Variants in ECE1 observed in about 807,000 individuals in gnomAD.
The protein encoded by ECE1 is endothelin converting enzyme 1.
ECE1 carries 35 observed loss-of-function variants against 98.6 expected under a neutral mutation model. The ratio of observed to expected loss-of-function variants is 0.35; its 90% CI spans 0.27 to 0.47. ECE1 has a LOEUF of 0.47. Ranked by LOEUF, ECE1 falls within the 20% of genes least tolerant of loss-of-function variation. The pLI is 1.00. For synonymous variants in ECE1, 394 were observed against 407.1 expected (o/e 0.97, Z 0.39); for missense variants, 814 against 1,025.3 (o/e 0.79, Z 2.81).
Position 21,257,482 on chromosome 1 carries a change from G to A in ECE1, c.828+43C>T, listed in dbSNP as rs754130727. 5.0e-6 allele frequency: 8 copies of A among 1,605,104 alleles called. No homozygotes were observed. In the South Asian group the frequency reaches 8.8e-5, roughly 18 times the overall value. ...GTGGGTGTGGACACGGAGCAGGAAG[G>A]ACCGTGCTGGGAGGCAGGCTGGGAG... On this transcript the variant is annotated intron_variant, in intron 7 of 18. Transcript: ENST00000374893.
At chr1:21,223,319 C>T (rs1439784591) in intron 17 of ECE1, among the ~76,000 whole-genome samples, 2 of 151,732 alleles carry the variant, frequency 1.3e-5, no homozygotes, top group African/African-American at 2.4e-5. Context: ...AACAGAGTCT[C>T]GCTCTGTCAC....
At position 21,319,431 on chromosome 1, in the gene ECE1, T is replaced by C. The variant is rs962272417; in HGVS notation, c.3+25945A>G. Among the ~76,000 whole-genome samples the C allele has an allele frequency of 6.6e-6, 1 of 152,166 alleles. No homozygotes were observed. Among genetic ancestry groups the C allele is most frequent in the Admixed American group, 6.5e-5 (1 of 15,284 alleles). The stretch of plus-strand genomic sequence containing the variant: ...TTTCTAGAGACATGATAAGACCTCG[T>C]GTCTAAATGGCCTGGTACATACTAG... On this transcript the variant is annotated intron_variant, in intron 1 of 18. Coordinates refer to the ECE1 transcript ENST00000415912. This position sits in a 1 kb window ranked among gnomAD's most constrained non-coding sequence, Gnocchi z 4.4.
chr1:21,266,216 G>C (rs1450881412), intron 4 of ECE1: 1 of 152,434 alleles, frequency 6.6e-6, no homozygotes, highest in Non-Finnish European at 1.5e-5. Flanking sequence ...TGCTGGGATA[G>C]GGGTGTCTGG....
intron 1 of ECE1, among the ~76,000 whole-genome samples, chr1:21,315,618 A>G: frequency 6.6e-6 from 1 of 151,848 alleles, no homozygotes; most frequent in Non-Finnish European, 1.5e-5. Flanking sequence ...ACATGGTGAA[A>G]CTCCATCTCT....
At chr1:21,305,182 T>C (rs901182618) in intron 1 of ECE1, among the ~76,000 whole-genome samples, 2 of 152,200 alleles carry the variant, frequency 1.3e-5, no homozygotes, top group African/African-American at 4.8e-5. Flanking sequence ...CTCGACAGCA[T>C]AGACACAGGC....
At chr1:21,273,338 CGTGT>C (rs780250320) in intron 3 of ECE1, among the ~76,000 whole-genome samples, 2 of 122,230 alleles carry the variant, frequency 1.6e-5, no homozygotes, top group Non-Finnish European at 1.8e-5. Context: ...TGTGCCCGTG[CGTGT>C]GTGCGTGTGT....
intron 16 of ECE1, among the ~76,000 whole-genome samples, chr1:21,226,536 T>C (rs1238222973): frequency 2.0e-5 from 3 of 152,248 alleles, no homozygotes; most frequent in Admixed American, 6.5e-5. Context: ...GCCTGGAAGA[T>C]GATTGGCCCA....
chr1:21,327,990 C>A lies in ECE1; in HGVS notation c.3+17386G>T, dbSNP rs993722524. Among the ~76,000 whole-genome samples, 8 of 152,194 alleles carry A rather than the reference C, an allele frequency of 5.3e-5. No homozygotes were observed. The highest frequency in any genetic ancestry group is 1.9e-4 in the African/African-American group (8 of 41,452). On this transcript the variant is annotated intron_variant, in intron 1 of 18. Transcript: ENST00000415912. This position sits in a 1 kb window ranked among gnomAD's most constrained non-coding sequence, Gnocchi z 4.6. ...AACATGAACTGAGGTGGAACAGTTTCATGTACCTCAGATCATCGGGCTTAG... is the reference window on the plus strand; with the variant it reads ...AACATGAACTGAGGTGGAACAGTTTAATGTACCTCAGATCATCGGGCTTAG...
intron 1 of ECE1, among the ~76,000 whole-genome samples, chr1:21,309,899 C>T (rs934456027): frequency 4.0e-5 from 6 of 150,986 alleles, no homozygotes; most frequent in Non-Finnish European, 5.9e-5. Flanking sequence ...TCACGCCATT[C>T]TCCTGCCTCA....
chr1:21,217,857 C>G lies in ECE1; in HGVS notation c.*2098G>C, dbSNP rs1431650141. The G allele has an allele frequency of 6.6e-6, 1 of 152,440 alleles. No individual in the cohort carries two copies. The highest frequency in any genetic ancestry group is 2.4e-5 in the African/African-American group (1 of 41,466). 9.4% of individuals were successfully genotyped at this position (152,440 alleles called of 1,614,324 possible). ...TCGATACCCTGCACCAGCTTGGAGGCAGATCCCAAGGTGGCAGGGGTGTCC... is the reference window on the plus strand; with the variant it reads ...TCGATACCCTGCACCAGCTTGGAGGGAGATCCCAAGGTGGCAGGGGTGTCC... On this transcript the variant is annotated 3_prime_UTR_variant, in exon 19 of 19. Transcript: ENST00000374893.
chr1:21,297,530 C>CTTTCTTTTTTT (rs1553368032), intron 1 of ECE1, among the ~76,000 whole-genome samples: 2 of 116,194 alleles, frequency 1.7e-5, no homozygotes, highest in East Asian at 2.5e-4. Context: ...TTTTCTTTTT[C>CTTTCTTTTTTT]TTTTTTTTTT....
chr1:21,245,034 C>T lies in ECE1; in HGVS notation c.1233G>A (p.Gln411=). The change falls in exon 10 of 19, where the codon CAG becomes CAA. Residue 411 remains glutamine, a synonymous_variant. Transcript: ENST00000374893. ...CTTCCATGAACTTCTCATCGGCGTC[C>T]TGAAAGCGCTGGTCAAGGAAGGAGC... ...KTSSFLDQRF[Q]DADEKFMEVM... is the part of the protein sequence containing the mutation. 1 of 1,614,198 alleles carries T rather than the reference C, an allele frequency of 6.2e-7. No homozygotes were observed. Among genetic ancestry groups the T allele is most frequent in the South Asian group, 1.1e-5 (1 of 91,088 alleles).
chr1:21,267,916 C>T (rs769045913), intron 4 of ECE1, among the ~76,000 whole-genome samples: 26 of 152,164 alleles, frequency 1.7e-4, no homozygotes, highest in Non-Finnish European at 2.2e-4. Context: ...ACACGTTTAA[C>T]GCTATTGGAA....
Position 21,256,076 on chromosome 1 carries a change from C to T in ECE1, c.891G>A (p.Glu297=). The change falls in exon 8 of 19, where the codon GAG becomes GAA. Residue 297 remains glutamate, a synonymous_variant. Coordinates refer to ENST00000374893, the MANE Select transcript of ECE1 (RefSeq NM_001397.3). ...GCTGCATCTGGGGCCGGATGGCCTCCTCGTCCCCGCCGCCCAGCAGCTTCC... is the reference window on the plus strand; with the variant it reads ...GCTGCATCTGGGGCCGGATGGCCTCTTCGTCCCCGCCGCCCAGCAGCTTCC... The part of the protein sequence containing the change: ...QLGKLLGGGD[E]EAIRPQMQQI... 15 of 1,610,672 alleles carry T rather than the reference C, an allele frequency of 9.3e-6. No homozygotes were observed. Among genetic ancestry groups the T allele is most frequent in the Non-Finnish European group, 1.2e-5 (14 of 1,176,944 alleles).
intron 3 of ECE1, among the ~76,000 whole-genome samples, chr1:21,273,338 CGTGTGTGCGTGTGTGTGTGTGTGTGTGT>C (rs1435099406): frequency 4.3e-4 from 53 of 122,334 alleles, no homozygotes; most frequent in African/African-American, 1.5e-3. Context: ...TGTGCCCGTG[CGTGTGTGCGTGTGTGTGTGTGTGTGTGT>C]GTGTGTGTGT....
At position 21,250,292 on chromosome 1, in the gene ECE1, CT is replaced by C. The variant is rs199905534; in HGVS notation, c.1021-2930del. 5.5e-3 allele frequency among the ~76,000 whole-genome samples: 835 copies of C among 152,298 alleles called. 8 individuals carry two copies. The highest frequency in any genetic ancestry group is 0.014 in the African/African-American group (600 of 41,568). ...AGTATCCTCAAGTAAAGTTGCATAACTTTTGTTCTGCTCTTGTTCTATTTTC... is the reference window on the plus strand; with the variant it reads ...AGTATCCTCAAGTAAAGTTGCATAACTTTGTTCTGCTCTTGTTCTATTTTC... On this transcript the variant is annotated intron_variant, in intron 8 of 18. Coordinates refer to ENST00000374893, the MANE Select transcript of ECE1 (RefSeq NM_001397.3).
intron 1 of ECE1, among the ~76,000 whole-genome samples, chr1:21,341,809 C>CT (rs80221361): frequency 3.4e-4 from 50 of 145,816 alleles, no homozygotes; most frequent in East Asian, 1.8e-3. Flanking sequence ...TTCTCCCTAC[C>CT]TTTTTTTTTT....
At chr1:21,222,163 T>C in intron 17 of ECE1, 1 of 400,752 alleles carries the variant, frequency 2.5e-6, no homozygotes. Context: ...AGCCACATCG[T>C]GTGTGTGCAT....
At chr1:21,238,485 T>C in intron 10 of ECE1, 1 of 578,848 alleles carries the variant, frequency 1.7e-6, no homozygotes, top group Non-Finnish European at 3.1e-6. Flanking sequence ...AGTGTCCCGT[T>C]GAGCCATTCA....
Sources: allele counts gnomAD v4.1 joint callset (sites outside exome capture counted in the v4.1 genomes callset), GRCh38; gene constraint gnomAD v4.1.1; non-coding constraint Gnocchi (gnomAD v3.1); transcripts MANE v1.5; gene names NCBI Gene and HGNC (gene_info 2026-07-23, HGNC 2026-07-21).